KIAA0040: variants seen among roughly 807,000 people sequenced by gnomAD.
The protein encoded by KIAA0040 is KIAA0040.
A neutral mutation model predicts 7.2 loss-of-function variants in KIAA0040; 10 were observed. The observed-to-expected ratio is 1.38, with a 90% CI of 0.85 to 2.34. KIAA0040 has a LOEUF of 2.34. KIAA0040 is among the 30% of genes most tolerant of loss of function. The pLI is 0.00. For synonymous variants in KIAA0040, 49 were observed against 40.1 expected (o/e 1.22, Z -0.84); for missense variants, 89 against 108.2 (o/e 0.82, Z 0.79).
At chr1:175,180,967 C>T (rs191786562) in intron 1 of KIAA0040, among the ~76,000 whole-genome samples, 1 of 152,182 alleles carries the variant, frequency 6.6e-6, no homozygotes, top group African/African-American at 2.4e-5. Context: ...GCCTCAGCTT[C>T]CCAAATAGCT....
intron 1 of KIAA0040, 71 bp from the exon 2 acceptor site, chr1:175,177,755 G>A (rs1677260922): frequency 6.6e-6 from 1 of 152,198 alleles, no homozygotes; most frequent in South Asian, 2.1e-4. Context: ...AGTGCAGGAA[G>A]GGAGACTGGC....
At chr1:175,191,861 T>C (rs1250559150) in intron 1 of KIAA0040, among the ~76,000 whole-genome samples, 1 of 152,226 alleles carries the variant, frequency 6.6e-6, no homozygotes, top group Non-Finnish European at 1.5e-5. Flanking sequence ...TCCCGCTAAG[T>C]AGCATGGCAT....
chr1:175,184,860 C>T (rs994695072), intron 1 of KIAA0040, among the ~76,000 whole-genome samples: 4 of 152,136 alleles, frequency 2.6e-5, no homozygotes, highest in African/African-American at 9.7e-5. Flanking sequence ...GCTTTTATAA[C>T]ACTGTGTTAT....
intron 1 of KIAA0040, among the ~76,000 whole-genome samples, chr1:175,192,098 A>C (rs1677887468): frequency 6.6e-6 from 1 of 152,194 alleles, no homozygotes; most frequent in Non-Finnish European, 1.5e-5. Context: ...GGGTGGGACC[A>C]CTGAGAGTCA....
chr1:175,175,927 T>C (rs533482081), intron 2 of KIAA0040, among the ~76,000 whole-genome samples: 3 of 152,278 alleles, frequency 2.0e-5, no homozygotes, highest in African/African-American at 7.2e-5. Flanking sequence ...CTTAATGTAA[T>C]GACGAGTTAA....
rs1056880971 is a variant in KIAA0040 at position 175,159,930 on chromosome 1, A to T, written c.*784T>A. On this transcript the variant is annotated 3_prime_UTR_variant, in exon 4 of 4. Coordinates refer to ENST00000423313, the MANE Select transcript of KIAA0040 (RefSeq NM_014656.3). ...CATTAAACACCTCTCAGTGGCAATG[A>T]GGACGGACTTTGTCATGAGTTACAA... 6.5e-6 allele frequency: 1 copy of T among 153,194 alleles called. No individual in the cohort carries two copies. Among genetic ancestry groups the T allele is most frequent in the African/African-American group, 2.4e-5 (1 of 41,452 alleles). The allele number at this position is 153,194 out of a possible 1,614,324, so 9.5% of individuals were successfully genotyped here. A position where few individuals can be genotyped will look rare whatever the true frequency, so the allele number is the denominator to read the frequency against.
At chr1:175,184,323 A>G (rs1041168804) in intron 1 of KIAA0040, among the ~76,000 whole-genome samples, 7 of 152,210 alleles carry the variant, frequency 4.6e-5, no homozygotes, top group African/African-American at 1.7e-4. Context: ...GTCTCACGTC[A>G]CATTACAGGG....
chr1:175,164,051 G>A (rs1042177175), intron 3 of KIAA0040, among the ~76,000 whole-genome samples: 6 of 152,198 alleles, frequency 3.9e-5, no homozygotes, highest in Non-Finnish European at 8.8e-5. Flanking sequence ...TGAGCCTGGA[G>A]CTCAGGGTGG....
At chr1:175,163,785 C>T (rs1055688378) in intron 3 of KIAA0040, among the ~76,000 whole-genome samples, 2 of 152,170 alleles carry the variant, frequency 1.3e-5, no homozygotes, top group Admixed American at 1.3e-4. Flanking sequence ...CAAATGTTCA[C>T]CAACTATTTT....
In KIAA0040 at chr1:175,159,792, G is replaced by A. The variant is rs1160483935; in HGVS notation, c.*922C>T. ...TGCAGTCCACTGACATAAATGAGTGGGCTTCCATAATTTTCTAGCAGTCAC... is the reference window on the plus strand; with the variant it reads ...TGCAGTCCACTGACATAAATGAGTGAGCTTCCATAATTTTCTAGCAGTCAC... On this transcript the variant is annotated 3_prime_UTR_variant, in exon 4 of 4. Coordinates refer to ENST00000423313, the MANE Select transcript of KIAA0040 (RefSeq NM_014656.3). 6.6e-6 allele frequency: 1 copy of A among 152,138 alleles called. No individual in the cohort carries two copies. Among genetic ancestry groups the A allele is most frequent in the Non-Finnish European group, 1.5e-5 (1 of 68,014 alleles). 9.4% of individuals were successfully genotyped at this position (152,138 alleles called of 1,614,324 possible). A position where few individuals can be genotyped will look rare whatever the true frequency, so the allele number is the denominator to read the frequency against.
chr1:175,163,367 T>C (rs1676626788), intron 3 of KIAA0040, among the ~76,000 whole-genome samples: 1 of 152,236 alleles, frequency 6.6e-6, no homozygotes, highest in African/African-American at 2.4e-5. Flanking sequence ...TGCAGGTTTA[T>C]AGAAAGCATA....
intron 1 of KIAA0040, among the ~76,000 whole-genome samples, chr1:175,179,768 A>T (rs1444384720): frequency 6.6e-6 from 1 of 152,158 alleles, no homozygotes; most frequent in Non-Finnish European, 1.5e-5. Context: ...GAGGGGAGGG[A>T]TTTCTTGCCC....
Position 175,160,381 on chromosome 1 carries a change from G to A in KIAA0040, c.*333C>T. The A allele has an allele frequency of 1.1e-5, 3 of 273,826 alleles. No individual in the cohort carries two copies. The highest frequency in any genetic ancestry group is 1.3e-4 in the South Asian group (2 of 15,106). The allele number at this position is 273,826 out of a possible 1,614,324, so 17.0% of individuals were successfully genotyped here. ...GTGTGTGTGTGTGTTACGTGCATGT[G>A]CACACACTTGGGAACCATATTGAGA... On this transcript the variant is annotated 3_prime_UTR_variant, in exon 4 of 4. Coordinates refer to ENST00000423313, the MANE Select transcript of KIAA0040 (RefSeq NM_014656.3).
At chr1:175,161,869 C>T (rs1301361762) in intron 3 of KIAA0040, among the ~76,000 whole-genome samples, 1 of 152,234 alleles carries the variant, frequency 6.6e-6, no homozygotes, top group African/African-American at 2.4e-5. Context: ...CTACCTTCCT[C>T]TTCCTCATTA....
intron 3 of KIAA0040, among the ~76,000 whole-genome samples, chr1:175,164,042 G>A (rs1420171134): frequency 6.6e-6 from 1 of 152,178 alleles, no homozygotes; most frequent in African/African-American, 2.4e-5. Context: ...GTCTTCTGGT[G>A]AGCCTGGAGC....
chr1:175,168,456 C>A (rs1332580925), intron 2 of KIAA0040, among the ~76,000 whole-genome samples: 3 of 152,002 alleles, frequency 2.0e-5, no homozygotes, highest in African/African-American at 7.3e-5. Context: ...ATAGTATTTT[C>A]CCCCAGAATT....
At chr1:175,182,514 C>T (rs1318177714) in intron 1 of KIAA0040, among the ~76,000 whole-genome samples, 3 of 152,182 alleles carry the variant, frequency 2.0e-5, no homozygotes, top group Admixed American at 6.5e-5. Context: ...TCCTAAGAGT[C>T]AAGCCTAGAT....
At chr1:175,184,561 T>C (rs536929888) in intron 1 of KIAA0040, among the ~76,000 whole-genome samples, 1 of 152,334 alleles carries the variant, frequency 6.6e-6, no homozygotes, top group Admixed American at 6.5e-5. Context: ...GACCCAGGCA[T>C]AGGAGTTCCA....
At chr1:175,177,881 A>G (rs1297813358) in intron 1 of KIAA0040, among the ~76,000 whole-genome samples, 197 bp from the exon 2 acceptor site, 2 of 152,252 alleles carry the variant, frequency 1.3e-5, no homozygotes, top group African/African-American at 4.8e-5. Flanking sequence ...GTAAAAGCAC[A>G]TAGTGAATGT....
Sources: allele counts gnomAD v4.1 joint callset (sites outside exome capture counted in the v4.1 genomes callset), GRCh38; gene constraint gnomAD v4.1.1; transcripts MANE v1.5; gene names NCBI Gene and HGNC (gene_info 2026-07-23, HGNC 2026-07-21).